Variants in ROR1 observed in about 807,000 individuals in gnomAD.
The protein encoded by ROR1 is ROR family WNT receptor 1, also known as inactive tyrosine-protein kinase transmembrane receptor ROR1.
In ROR1, 19 loss-of-function variants were observed where a neutral mutation model predicts 78.8. The observed-to-expected ratio is 0.24, with a 90% CI of 0.17 to 0.35. The LOEUF is 0.35. Ranked by LOEUF, ROR1 falls within the 10% of genes least tolerant of loss-of-function variation. ROR1 has a pLI of 1.00. For synonymous variants in ROR1, 386 were observed against 433.6 expected (o/e 0.89, Z 1.36); for missense variants, 917 against 1,177.8 (o/e 0.78, Z 3.24).
At chr1:64,009,209 C>A in intron 1 of ROR1, 96 bp from the exon 2 acceptor site, 1 of 918,406 alleles carries the variant, frequency 1.1e-6, no homozygotes, top group Non-Finnish European at 1.8e-6. Context: ...CAAAGGCAGG[C>A]CCTTTGGAAA....
intron 1 of ROR1, among the ~76,000 whole-genome samples, chr1:64,003,859 C>G (rs1352701673): frequency 2.0e-5 from 3 of 152,238 alleles, no homozygotes; most frequent in African/African-American, 7.2e-5. Context: ...CAAACAACAT[C>G]TAAAGTAACA....
intron 8 of ROR1, among the ~76,000 whole-genome samples, chr1:64,163,986 C>G (rs984064595): frequency 1.3e-5 from 2 of 152,182 alleles, no homozygotes; most frequent in Non-Finnish European, 2.9e-5. Flanking sequence ...AAGTCTTCCT[C>G]CCCTTTAATT....
intron 1 of ROR1, among the ~76,000 whole-genome samples, chr1:63,886,128 A>C (rs549266506): frequency 1.1e-4 from 16 of 152,272 alleles, no homozygotes; most frequent in Middle Eastern, 3.4e-3. Context: ...TCACGCTCCT[A>C]TGAGAATCTA....
At chr1:64,000,125 C>G (rs1236442640) in intron 1 of ROR1, among the ~76,000 whole-genome samples, 2 of 151,786 alleles carry the variant, frequency 1.3e-5, no homozygotes, top group African/African-American at 4.8e-5. Context: ...ACAGATGACA[C>G]AGAAAGATGA....
chr1:64,013,317 T>A (rs1646492467), intron 2 of ROR1, among the ~76,000 whole-genome samples: 1 of 152,172 alleles, frequency 6.6e-6, no homozygotes, highest in African/African-American at 2.4e-5. Context: ...TTCCACACTT[T>A]AGTGTTCATT....
At chr1:63,854,229 G>A (rs183530146) in intron 1 of ROR1, among the ~76,000 whole-genome samples, 157 of 152,220 alleles carry the variant, frequency 1.0e-3, no homozygotes, top group Middle Eastern at 0.01. Flanking sequence ...TTACTGCTCT[G>A]CTGCCCATCT....
At chr1:64,096,203 A>C (rs2806543) in intron 4 of ROR1, among the ~76,000 whole-genome samples, 93,203 of 151,874 alleles carry the variant, frequency 0.61, 29,970 homozygotes, top group African/African-American at 0.81. Flanking sequence ...CATTCCCAGG[A>C]TGTATTTGAA....
At chr1:63,778,217 G>A (rs551055409) in intron 1 of ROR1, among the ~76,000 whole-genome samples, 3 of 152,310 alleles carry the variant, frequency 2.0e-5, no homozygotes, top group African/African-American at 7.2e-5. Context: ...AGGTGAGTGC[G>A]TGAAATTAAT....
intron 1 of ROR1, among the ~76,000 whole-genome samples, chr1:63,995,940 A>T (rs1646333687): frequency 1.3e-5 from 2 of 152,132 alleles, no homozygotes; most frequent in South Asian, 2.1e-4. Flanking sequence ...ATTGGAGGAG[A>T]TACAAAAAGA....
At chr1:64,078,067 C>T (rs913249755) in intron 4 of ROR1, among the ~76,000 whole-genome samples, 1 of 152,178 alleles carries the variant, frequency 6.6e-6, no homozygotes, top group African/African-American at 2.4e-5. Flanking sequence ...CCTGGAGAAG[C>T]AGAAACAGTC....
At chr1:64,164,165 T>TTG (rs1454006063) in intron 8 of ROR1, among the ~76,000 whole-genome samples, 20 of 152,276 alleles carry the variant, frequency 1.3e-4, no homozygotes, top group African/African-American at 4.6e-4. Context: ...GCTGATTTCA[T>TTG]CCTCTGGCAT....
intron 2 of ROR1, among the ~76,000 whole-genome samples, chr1:64,039,285 GA>G (rs1326832710): frequency 6.6e-6 from 1 of 152,212 alleles, no homozygotes; most frequent in Non-Finnish European, 1.5e-5. Flanking sequence ...TGGTGGAACT[GA>G]GTTGGAATGC....
rs1416989450 is a variant in ROR1, at chr1:63,774,706, G to A, written c.91+198G>A. 6.6e-6 allele frequency among the ~76,000 whole-genome samples: 1 copy of A among 151,478 alleles called. No individual in the cohort carries two copies. The highest frequency in any genetic ancestry group is 1.5e-5 in the Non-Finnish European group (1 of 67,814). ...CCGCCAGGCCAGGGTTTGCCCCGGA[G>A]CCCCGCGGCGGGCCGGGGCGCGCCC... On this transcript the variant is annotated intron_variant, in intron 1 of 8. Coordinates refer to ENST00000371079, the MANE Select transcript of ROR1 (RefSeq NM_005012.4). The surrounding 1 kb of genome is among the most constrained non-coding windows in gnomAD (Gnocchi z 5.7).
intron 4 of ROR1, among the ~76,000 whole-genome samples, chr1:64,100,188 TA>T (rs993861241): frequency 1.3e-5 from 2 of 151,598 alleles, no homozygotes; most frequent in Middle Eastern, 3.4e-3. Context: ...GTATTTTTTT[TA>T]AAAAAAAGTT....
At chr1:63,802,924 T>G (rs1459622547) in intron 1 of ROR1, among the ~76,000 whole-genome samples, 2 of 152,360 alleles carry the variant, frequency 1.3e-5, no homozygotes, top group African/African-American at 4.8e-5. Flanking sequence ...TAATTGTATA[T>G]TTTCTTTAAC....
chr1:64,159,697 T>A (rs1649883713), intron 8 of ROR1, among the ~76,000 whole-genome samples: 1 of 150,102 alleles, frequency 6.7e-6, no homozygotes, highest in African/African-American at 2.4e-5. Flanking sequence ...TTAAAAAAAA[T>A]CCTTTGTATG....
chr1:63,968,407 T>G (rs919395864), intron 1 of ROR1, among the ~76,000 whole-genome samples: 2 of 131,638 alleles, frequency 1.5e-5, no homozygotes, highest in African/African-American at 6.7e-5. Flanking sequence ...CAAATGATAA[T>G]GGTTATTACT....
At chr1:63,948,328 T>C (rs1340410629) in intron 1 of ROR1, among the ~76,000 whole-genome samples, 1 of 151,500 alleles carries the variant, frequency 6.6e-6, no homozygotes, top group Non-Finnish European at 1.5e-5. Flanking sequence ...TAGAGGTTTG[T>C]GGTCCAATTT....
At chr1:63,979,904 A>G (rs2100507672) in intron 1 of ROR1, among the ~76,000 whole-genome samples, 1 of 152,356 alleles carries the variant, frequency 6.6e-6, no homozygotes, top group East Asian at 1.9e-4. Flanking sequence ...ATACATATGC[A>G]CAAAACAACA....
Sources: gnomAD v4.1 joint callset for allele counts (sites outside exome capture counted in the v4.1 genomes callset) on GRCh38, gnomAD v4.1.1 for gene constraint, Gnocchi (gnomAD v3.1) non-coding constraint, MANE v1.5 for transcripts, NCBI Gene and HGNC (gene_info 2026-07-23, HGNC 2026-07-21) for gene names.